The following STX6 variants were observed in gnomAD, a reference collection of about 807,000 sequenced individuals.
STX6 encodes syntaxin 6.
A neutral mutation model predicts 38.0 loss-of-function variants in STX6; 23 were observed. That is an observed-to-expected ratio of 0.60 (90% CI 0.43 to 0.86). The LOEUF is 0.86. STX6 is among the 40% of genes least tolerant of loss of function. STX6 has a pLI of 0.00. For missense variants in STX6, 274 were observed against 312.9 expected (o/e 0.88, Z 0.94); for synonymous variants, 123 against 107.5 (o/e 1.14, Z -0.89).
In STX6 at chr1:181,022,755, G is replaced by C. The variant is rs1656782852; in HGVS notation, c.-82C>G. Reference sequence around the variant, plus strand: ...CGGTCTCCCTCCGCCCACCCCGCCTGTTCCCGCAGCTGCCCGCGCCTTAGT... The same window carrying C: ...CGGTCTCCCTCCGCCCACCCCGCCTCTTCCCGCAGCTGCCCGCGCCTTAGT... On this transcript the variant is annotated 5_prime_UTR_variant, in exon 1 of 8. Coordinates refer to ENST00000258301, the MANE Select transcript of STX6 (RefSeq NM_005819.6). 2.8e-6 allele frequency: 4 copies of C among 1,426,988 alleles called. No homozygotes were observed. The highest frequency in any genetic ancestry group is 3.8e-6 in the Non-Finnish European group (4 of 1,040,474). 88.4% of individuals were successfully genotyped at this position (1,426,988 alleles called of 1,614,324 possible).
At chr1:181,022,253 T>G (rs1194174326) in intron 1 of STX6, among the ~76,000 whole-genome samples, 3 of 152,316 alleles carry the variant, frequency 2.0e-5, no homozygotes, top group Middle Eastern at 6.8e-3. Context: ...TCCCTTTTCC[T>G]GCCCAGATGC....
intron 7 of STX6, among the ~76,000 whole-genome samples, chr1:180,982,949 T>C (rs1296122945): frequency 2.6e-5 from 4 of 152,148 alleles, no homozygotes; most frequent in South Asian, 2.1e-4. Context: ...AAGAAGAAAA[T>C]GACTCTAGAT....
At chr1:180,998,130 C>T (rs1655965585) in intron 3 of STX6, among the ~76,000 whole-genome samples, 1 of 152,154 alleles carries the variant, frequency 6.6e-6, no homozygotes, top group African/African-American at 2.4e-5. Flanking sequence ...GTTTAGATTC[C>T]TTTTCCTACT....
At chr1:181,018,041 A>G in intron 1 of STX6, among the ~76,000 whole-genome samples, 1 of 152,192 alleles carries the variant, frequency 6.6e-6, no homozygotes, top group East Asian at 1.9e-4. Flanking sequence ...TGCAGTCATT[A>G]AAAGCTGCCA....
intron 3 of STX6, among the ~76,000 whole-genome samples, chr1:180,996,003 T>G (rs1268406311): frequency 6.6e-6 from 1 of 152,134 alleles, no homozygotes; most frequent in Non-Finnish European, 1.5e-5. Context: ...TAATTACACT[T>G]TTCTGTACCG....
chr1:180,982,051 A>T (rs1655432999), intron 7 of STX6, among the ~76,000 whole-genome samples: 1 of 152,234 alleles, frequency 6.6e-6, no homozygotes, highest in African/African-American at 2.4e-5. Context: ...TGTGGGTAGG[A>T]GAATACAATT....
intron 1 of STX6, among the ~76,000 whole-genome samples, chr1:181,022,436 G>A (rs1264644917): frequency 6.6e-6 from 1 of 152,168 alleles, no homozygotes; most frequent in African/African-American, 2.4e-5. Flanking sequence ...GCTTGGCTGG[G>A]GACAGTGGCT....
At chr1:181,004,562 G>A (rs1656170823) in intron 2 of STX6, among the ~76,000 whole-genome samples, 1 of 152,212 alleles carries the variant, frequency 6.6e-6, no homozygotes. Flanking sequence ...GTGAACATGT[G>A]GAGGTTCCTG....
chr1:181,013,753 T>G (rs1464869321), intron 1 of STX6, among the ~76,000 whole-genome samples: 1 of 152,252 alleles, frequency 6.6e-6, no homozygotes, highest in African/African-American at 2.4e-5. Flanking sequence ...AGCTGACTTG[T>G]CCCTGTTCCA....
intron 1 of STX6, among the ~76,000 whole-genome samples, chr1:181,012,862 C>T (rs1188435799): frequency 7.9e-5 from 12 of 151,858 alleles, no homozygotes; most frequent in Non-Finnish European, 1.3e-4. Context: ...TTAGTAGAGA[C>T]GGGGTTTCTC....
At chr1:181,003,934 G>A (rs1656153395) in intron 2 of STX6, among the ~76,000 whole-genome samples, 1 of 152,188 alleles carries the variant, frequency 6.6e-6, no homozygotes, top group Non-Finnish European at 1.5e-5. Flanking sequence ...ATGGACGGTA[G>A]CACTGTAACA....
At chr1:180,997,258 G>C (rs543940327) in intron 3 of STX6, among the ~76,000 whole-genome samples, 1 of 152,150 alleles carries the variant, frequency 6.6e-6, no homozygotes, top group African/African-American at 2.4e-5. Flanking sequence ...GCAAATAAAC[G>C]TATGCAACTA....
Position 181,004,272 on chromosome 1 carries a change from T to C in STX6, c.205+1022A>G, listed in dbSNP as rs576733439. Among the ~76,000 whole-genome samples the C allele has an allele frequency of 1.2e-4, 18 of 152,334 alleles. No homozygotes were observed. The East Asian group carries it at 2.5e-3, about 21-fold the overall frequency. The stretch of plus-strand genomic sequence containing the variant: ...CCCTCATTTCTGGCACACAGCTCCT[T>C]GATCCCTTGGAATCTCCAGATGAGT... On this transcript the variant is annotated intron_variant, in intron 2 of 7. Transcript: ENST00000258301.
chr1:180,984,012 C>T (rs992663893), intron 7 of STX6, among the ~76,000 whole-genome samples: 3 of 121,422 alleles, frequency 2.5e-5, no homozygotes, highest in Non-Finnish European at 1.6e-5. Flanking sequence ...TGCAGTGAGC[C>T]GAGATTACGC....
At position 180,984,692 on chromosome 1, in the gene STX6, A is replaced by G; in HGVS notation, c.676T>C (p.Ser226Pro). ...CCATACATACCACTGGTCATATGAGATACTTTTGCAAGTTTCTTCATCACA... is the reference window on the plus strand; with the variant it reads ...CCATACATACCACTGGTCATATGAGGTACTTTTGCAAGTTTCTTCATCACA... ...DNVMKKLAKVSHMTSDRRQWC... is the reference protein window; with the variant it reads ...DNVMKKLAKVPHMTSDRRQWC... The change falls in exon 7 of 8, where the codon TCT (serine) becomes CCT (proline). Residue 226 changes from serine (S) to proline (P), a missense_variant. Physicochemically the swap from Ser to Pro is moderately conservative, Grantham distance 74 (BLOSUM62 -1). Coordinates refer to ENST00000258301, the MANE Select transcript of STX6 (RefSeq NM_005819.6). The G allele has an allele frequency of 6.5e-7, 1 of 1,547,484 alleles. No homozygotes were observed. Among genetic ancestry groups the G allele is most frequent in the Non-Finnish European group, 8.9e-7 (1 of 1,119,874 alleles).
intron 4 of STX6, among the ~76,000 whole-genome samples, chr1:180,991,551 C>T (rs1655757176): frequency 6.6e-6 from 1 of 152,152 alleles, no homozygotes; most frequent in East Asian, 1.9e-4. Flanking sequence ...CTACGTTTTC[C>T]ATGGTGTACA....
intron 1 of STX6, among the ~76,000 whole-genome samples, chr1:181,022,216 C>T (rs184199376): frequency 6.6e-6 from 1 of 152,164 alleles, no homozygotes; most frequent in Admixed American, 6.5e-5. Flanking sequence ...CCCGTCAACG[C>T]GAACTACAAA....
chr1:180,988,282 T>C lies in STX6; in HGVS notation c.553A>G (p.Asn185Asp), dbSNP rs891145276. 3.5e-5 allele frequency: 57 copies of C among 1,613,990 alleles called. No individual in the cohort carries two copies. The highest frequency in any genetic ancestry group is 4.7e-5 in the Non-Finnish European group (56 of 1,179,986). The part of the protein sequence containing the change: ...LVSGSIGVLK[N>D]MSQRIGGELE... ...TCCCCTCCGATGCGCTGGGACATGT[T>C]CTTCAGCACCCCGATGCTGCCAGAG... Residue 185 changes from asparagine (N) to aspartate (D), a missense_variant, in exon 6 of 8, where the codon AAC becomes GAC. Asn to Asp is a conservative substitution (Grantham distance 23). Coordinates refer to ENST00000258301, the MANE Select transcript of STX6 (RefSeq NM_005819.6).
intron 1 of STX6, among the ~76,000 whole-genome samples, chr1:181,011,908 G>A (rs547766447): frequency 6.6e-6 from 1 of 152,344 alleles, no homozygotes; most frequent in African/African-American, 2.4e-5. Context: ...ACTGCTGACT[G>A]CTCAGGCAAC....
Sources: allele counts gnomAD v4.1 joint callset (sites outside exome capture counted in the v4.1 genomes callset), GRCh38; gene constraint gnomAD v4.1.1; transcripts MANE v1.5; gene names NCBI Gene and HGNC (gene_info 2026-07-23, HGNC 2026-07-21).